The following EXT1 variants were observed in gnomAD, a reference collection of about 807,000 sequenced individuals.
The protein encoded by EXT1 is exostosin glycosyltransferase 1.
In EXT1, 20 loss-of-function variants were observed where a neutral mutation model predicts 82.5. The ratio of observed to expected loss-of-function variants is 0.24; its 90% CI spans 0.17 to 0.35. The LOEUF is 0.35. Among genes scored for constraint, EXT1 ranks in the 10% least tolerant of loss-of-function variants. The pLI, the probability that EXT1 is intolerant of heterozygous loss-of-function variation, is 1.00. For synonymous variants in EXT1, 348 were observed against 350.8 expected (o/e 0.99, Z 0.09); for missense variants, 757 against 936.5 (o/e 0.81, Z 2.50).
At chr8:117,883,099 TGAAAA>T (rs1349262775) in intron 1 of EXT1, among the ~76,000 whole-genome samples, 4 of 150,462 alleles carry the variant, frequency 2.7e-5, no homozygotes, top group Non-Finnish European at 3.0e-5. Context: ...TTGAAAAAAA[TGAAAA>T]GAAATTATGT....
At chr8:118,028,196 G>A (rs936395599) in intron 1 of EXT1, among the ~76,000 whole-genome samples, 2 of 152,192 alleles carry the variant, frequency 1.3e-5, no homozygotes, top group African/African-American at 4.8e-5. Flanking sequence ...ATGCCTGGAC[G>A]TCTGCGGCAG....
At chr8:117,850,607 C>T (rs1812436104) in intron 1 of EXT1, among the ~76,000 whole-genome samples, 2 of 152,158 alleles carry the variant, frequency 1.3e-5, no homozygotes, top group African/African-American at 2.4e-5. Flanking sequence ...ATTTAATTTT[C>T]TAGTGCTTGC....
At chr8:117,867,239 A>G (rs1167599426) in intron 1 of EXT1, among the ~76,000 whole-genome samples, 3 of 137,100 alleles carry the variant, frequency 2.2e-5, no homozygotes, top group South Asian at 5.1e-4. Flanking sequence ...AGCCTGGGCG[A>G]CAGAGTGAGA....
At chr8:118,104,397 G>T (rs1817773451) in intron 1 of EXT1, among the ~76,000 whole-genome samples, 1 of 152,182 alleles carries the variant, frequency 6.6e-6, no homozygotes, top group South Asian at 2.1e-4. Flanking sequence ...CATGTTCCAT[G>T]CAGGGGGCTG....
chr8:117,981,759 TC>T (rs554235058), intron 1 of EXT1, among the ~76,000 whole-genome samples: 209 of 149,056 alleles, frequency 1.4e-3, no homozygotes, highest in African/African-American at 5.0e-3. Context: ...GCACCTATAA[TC>T]CCAGCTACTC....
rs59973422 is a variant in EXT1, at chr8:117,870,823, T to TCACACACACACACACACA, written c.963-33640_963-33623dup. 3.6e-3 allele frequency among the ~76,000 whole-genome samples: 531 copies of TCACACACACACACACACA among 146,844 alleles called. 4 individuals carry two copies. Among genetic ancestry groups the TCACACACACACACACACA allele is most frequent in the African/African-American group, 0.013 (512 of 38,794 alleles). On this transcript the variant is annotated intron_variant, in intron 1 of 10. Transcript: ENST00000378204. ...CAGTGGGTATACCATAAATGCTTTG[T>TCACACACACACACACACA]CACACACACACACACACACACACAC...
intron 1 of EXT1, among the ~76,000 whole-genome samples, chr8:117,878,515 T>C (rs1057175029): frequency 6.6e-6 from 1 of 152,190 alleles, no homozygotes; most frequent in Non-Finnish European, 1.5e-5. Context: ...ATGGAGCCCT[T>C]ATTTTATCAT....
At chr8:117,826,676 T>C (rs17439798) in intron 4 of EXT1, among the ~76,000 whole-genome samples, 13,572 of 152,204 alleles carry the variant, frequency 0.089, 767 homozygotes, top group African/African-American at 0.16. Context: ...GTACCTGTCA[T>C]GCAACTTGGT....
intron 1 of EXT1, among the ~76,000 whole-genome samples, chr8:117,853,351 C>A (rs1009415750): frequency 6.6e-6 from 1 of 152,096 alleles, no homozygotes; most frequent in African/African-American, 2.4e-5. Flanking sequence ...TCAAGACTGG[C>A]CTGGCCAACA....
chr8:117,948,755 G>A (rs1024472052), intron 1 of EXT1, among the ~76,000 whole-genome samples: 1 of 152,178 alleles, frequency 6.6e-6, no homozygotes, highest in South Asian at 2.1e-4. Context: ...CCACTTGAAG[G>A]AACTTGACCA....
At chr8:117,844,160 A>ATTATTATTATTATTATTC (rs1348440895) in intron 1 of EXT1, among the ~76,000 whole-genome samples, 13 of 149,150 alleles carry the variant, frequency 8.7e-5, no homozygotes, top group Non-Finnish European at 1.5e-4. Flanking sequence ...TATTATTATT[A>ATTATTATTATTATTATTC]TTATTATTTT....
intron 1 of EXT1, among the ~76,000 whole-genome samples, chr8:117,912,106 T>G (rs1813658953): frequency 6.6e-6 from 1 of 152,034 alleles, no homozygotes; most frequent in Non-Finnish European, 1.5e-5. Context: ...GAAGACAAGG[T>G]GTTAGAAATG....
chr8:118,066,675 G>T (rs1816994286), intron 1 of EXT1, among the ~76,000 whole-genome samples: 2 of 152,086 alleles, frequency 1.3e-5, no homozygotes, highest in Admixed American at 1.3e-4. Flanking sequence ...TTGCTTTATT[G>T]TAAGAATACA....
At chr8:118,019,442 A>G (rs1309830262) in intron 1 of EXT1, among the ~76,000 whole-genome samples, 1 of 152,232 alleles carries the variant, frequency 6.6e-6, no homozygotes, top group African/African-American at 2.4e-5. Context: ...ACTCAGAGCC[A>G]TGCTTCTTAA....
chr8:117,927,027 C>T (rs1324481385), intron 1 of EXT1, among the ~76,000 whole-genome samples: 1 of 152,194 alleles, frequency 6.6e-6, no homozygotes, highest in South Asian at 2.1e-4. Flanking sequence ...GTGTGTCGTC[C>T]TCTTTTGGGT....
chr8:118,010,566 C>T (rs533023324), intron 1 of EXT1, among the ~76,000 whole-genome samples: 1 of 152,170 alleles, frequency 6.6e-6, no homozygotes, highest in East Asian at 1.9e-4. Context: ...TTACGCTGAC[C>T]TCCCAAAATC....
intron 1 of EXT1, among the ~76,000 whole-genome samples, chr8:117,877,047 G>A (rs976911263): frequency 6.6e-6 from 1 of 152,154 alleles, no homozygotes; most frequent in African/African-American, 2.4e-5. Flanking sequence ...TAAGGCTCTG[G>A]TCATGTCACA....
chr8:117,997,689 A>G (rs1586333143), intron 1 of EXT1, among the ~76,000 whole-genome samples: 2 of 152,352 alleles, frequency 1.3e-5, no homozygotes, highest in South Asian at 4.1e-4. Flanking sequence ...TATTCAGTAG[A>G]GGTACAGAAT....
intron 1 of EXT1, among the ~76,000 whole-genome samples, chr8:118,100,810 G>A (rs1817703828): frequency 6.6e-6 from 1 of 151,940 alleles, no homozygotes. Context: ...GTCAACCTGG[G>A]AACCTGAAGG....
Sources: gnomAD v4.1 joint callset for allele counts (sites outside exome capture counted in the v4.1 genomes callset) on GRCh38, gnomAD v4.1.1 for gene constraint, MANE v1.5 for transcripts, NCBI Gene and HGNC (gene_info 2026-07-23, HGNC 2026-07-21) for gene names.